The following NDUFS7 variants were observed in gnomAD, a reference collection of about 807,000 sequenced individuals.
NDUFS7 encodes NADH:ubiquinone oxidoreductase core subunit S7.
Under a neutral mutation model 31.1 loss-of-function variants are expected in NDUFS7, and 11 were observed. The observed-to-expected ratio is 0.35, with a 90% CI of 0.22 to 0.59. The LOEUF (loss-of-function observed/expected upper bound fraction) is 0.59, where lower values mean the gene tolerates loss of function less well. Among genes scored for constraint, NDUFS7 ranks in the 20% least tolerant of loss-of-function variants. NDUFS7 has a pLI of 0.79. For synonymous variants in NDUFS7, 136 were observed against 127.9 expected, an observed-to-expected ratio of 1.06 and a Z score of -0.43; for missense variants, 263 against 324.2, an observed-to-expected ratio of 0.81 and a Z score of 1.45.
At chr19:1,386,600 G>C (rs2082508863) in intron 1 of NDUFS7, 4 of 152,198 alleles carry the variant, frequency 2.6e-5, no homozygotes, top group Admixed American at 2.0e-4. Flanking sequence ...GGGTTCAAGT[G>C]ATTCTCCTGC....
At chr19:1,389,225 G>A (rs763146655) in intron 4 of NDUFS7, 1 of 671,024 alleles carries the variant, frequency 1.5e-6, no homozygotes, top group Middle Eastern at 2.8e-4. Flanking sequence ...ATACACACAT[G>A]CACACTTGCA....
chr19:1,393,363 C>G lies in NDUFS7; in HGVS notation c.544+33C>G. The G allele has an allele frequency of 1.3e-6, 2 of 1,532,904 alleles. No homozygotes were observed. The highest frequency in any genetic ancestry group is 2.4e-5 in the East Asian group (1 of 41,258). 95.0% of individuals were successfully genotyped at this position (1,532,904 alleles called of 1,614,324 possible). Reference sequence around the variant, plus strand: ...CGGGACCGCACCGCCCACGAGGGAGCTGGAGACAGGGCCAGCGCCACACGG... The same window carrying G: ...CGGGACCGCACCGCCCACGAGGGAGGTGGAGACAGGGCCAGCGCCACACGG... On this transcript the variant is annotated intron_variant, in intron 7 of 7. Coordinates refer to ENST00000233627, the MANE Select transcript of NDUFS7 (RefSeq NM_024407.5). This position sits in a 1 kb window ranked among gnomAD's most constrained non-coding sequence, Gnocchi z 7.3.
At position 1,391,023 on chromosome 19, in the gene NDUFS7, C is replaced by G. The variant is rs771468156; in HGVS notation, c.381C>G (p.Thr127=). 1 of 1,613,482 alleles carries G rather than the reference C, an allele frequency of 6.2e-7. No individual in the cohort carries two copies. Among genetic ancestry groups the G allele is most frequent in the Non-Finnish European group, 8.5e-7 (1 of 1,179,922 alleles). Residue 127 remains threonine, a synonymous_variant, in exon 5 of 8, where the codon ACC becomes ACG. Coordinates refer to ENST00000233627, the MANE Select transcript of NDUFS7 (RefSeq NM_024407.5). ...TCATGATCGTGGCCGGCACACTCACCAACAAGATGGCCCCAGCGCTTCGCA... is the reference window on the plus strand; with the variant it reads ...TCATGATCGTGGCCGGCACACTCACGAACAAGATGGCCCCAGCGCTTCGCA... ...SDVMIVAGTL[T]NKMAPALRKV... is the part of the protein sequence containing the mutation.
chr19:1,389,267 G>GCA, intron 4 of NDUFS7: 2 of 617,216 alleles, frequency 3.2e-6, no homozygotes. Flanking sequence ...ATATACACAT[G>GCA]CACACGCACA....
At chr19:1,394,438 GGGACCGCGCTCCTCCCTCCCTGC>G (rs1568997916) in intron 7 of NDUFS7, 5 of 1,276,882 alleles carry the variant, frequency 3.9e-6, no homozygotes, top group South Asian at 3.8e-5. Context: ...TCCCTCCCTG[GGGACCGCGCTCCTCCCTCCCTGC>G]GGACTGTGCT....
At position 1,388,898 on chromosome 19, in the gene NDUFS7, T is replaced by C; in HGVS notation, c.188T>C (p.Val63Ala). Residue 63 changes from valine (V) to alanine (A), a missense_variant, in exon 4 of 8, where the codon GTG becomes GCG. Transcript: ENST00000233627. ...APKPSSRGEY[V>A]VAKLDDLVNW... ...AAACCCAGCAGCCGGGGCGAGTATG[T>C]GGTGGCCAAGCTGGATGACCTCGTC... The C allele has an allele frequency of 6.2e-7, 1 of 1,610,314 alleles. No individual in the cohort carries two copies. The highest frequency in any genetic ancestry group is 1.7e-4 in the Middle Eastern group (1 of 6,056).
Position 1,391,012 on chromosome 19 carries a change from G to A in NDUFS7, c.370G>A (p.Gly124Ser), listed in dbSNP as rs756557024. ...CCAGTCCGACGTCATGATCGTGGCC[G>A]GCACACTCACCAACAAGATGGCCCC... is the stretch of plus-strand genomic sequence containing the variant. ...PRQSDVMIVA[G>S]TLTNKMAPAL... Residue 124 changes from glycine to serine, a missense_variant, in exon 5 of 8, where the codon GGC becomes AGC. By Grantham distance (56) the Gly-to-Ser change is moderately conservative (BLOSUM62 0). Coordinates refer to ENST00000233627, the MANE Select transcript of NDUFS7 (RefSeq NM_024407.5). 9 of 1,613,372 alleles carry A rather than the reference G, an allele frequency of 5.6e-6. No homozygotes were observed. The highest frequency in any genetic ancestry group is 4.4e-5 in the South Asian group (4 of 91,080).
At chr19:1,390,334 A>C in intron 4 of NDUFS7, 2 of 190,040 alleles carry the variant, frequency 1.1e-5, no homozygotes, top group Non-Finnish European at 1.1e-5. Flanking sequence ...TGACCCTGTC[A>C]CCCGCCAACA....
intron 7 of NDUFS7, 79 bp from the exon 8 acceptor site, chr19:1,395,312 A>AAGCCG (rs1372067698): frequency 2.7e-5 from 41 of 1,525,766 alleles, no homozygotes; most frequent in Non-Finnish European, 3.5e-5. Context: ...AACCCTTCCA[A>AAGCCG]AGCCGAGCCG....
rs192047301 is a variant in NDUFS7 at position 1,387,960 on chromosome 19, T to C, written c.53+113T>C. 39 of 869,302 alleles carry C rather than the reference T, an allele frequency of 4.5e-5. No homozygotes were observed. The East Asian group carries it at 4.9e-4, about 11-fold the overall frequency. 53.8% of individuals were successfully genotyped at this position (869,302 alleles called of 1,614,324 possible). A position where few individuals can be genotyped will look rare whatever the true frequency, so the allele number is the denominator to read the frequency against. On this transcript the variant is annotated intron_variant, in intron 2 of 7. Coordinates refer to ENST00000233627, the MANE Select transcript of NDUFS7 (RefSeq NM_024407.5). ...GCGCCTTGTTGAAGGTCACGTGTCA[T>C]GTTAGGGACAGGATGCAGGTGACGG...
rs863224112 is a variant in NDUFS7, at chr19:1,391,178, C to CG, written c.455+19dup. The stretch of plus-strand genomic sequence containing the variant: ...TCTCCATGGGGAGGTGAGTGCAGGG[C>CG]GGGGGGTCTCCAGGGACAGACGTAG... On this transcript the variant is annotated intron_variant, in intron 6 of 7. Transcript: ENST00000233627. 1.8e-3 allele frequency: 2,872 copies of CG among 1,610,816 alleles called. 46 individuals carry two copies. The African/African-American group carries it at 0.034, about 19-fold the overall frequency.
At chr19:1,389,519 C>A (rs777794317) in intron 4 of NDUFS7, 9 of 457,142 alleles carry the variant, frequency 2.0e-5, no homozygotes, top group South Asian at 1.2e-4. Flanking sequence ...GGAGATGACC[C>A]CTCCGTTTCC....
chr19:1,384,122 T>C, intron 1 of NDUFS7, 180 bp downstream of exon 1: 1 of 676,472 alleles, frequency 1.5e-6, no homozygotes. Context: ...TCGCCGTTAT[T>C]GCGTCCAGAG....
At chr19:1,389,777 G>A (rs192185826) in intron 4 of NDUFS7, 43 of 336,228 alleles carry the variant, frequency 1.3e-4, no homozygotes, top group African/African-American at 7.9e-4. Flanking sequence ...CCCCATTGAT[G>A]GACGTTCACT....
chr19:1,395,287 G>C, intron 7 of NDUFS7, 104 bp from the exon 8 acceptor site: 1 of 1,497,808 alleles, frequency 6.7e-7, no homozygotes, highest in African/African-American at 1.4e-5. Flanking sequence ...TCCACCTTCA[G>C]AGGCCGGCCC....
At chr19:1,384,366 C>T (rs1029995416) in intron 1 of NDUFS7, among the ~76,000 whole-genome samples, 1 of 152,192 alleles carries the variant, frequency 6.6e-6, no homozygotes, top group Non-Finnish European at 1.5e-5. Flanking sequence ...GAACAGGACC[C>T]AGGACATCCA....
intron 4 of NDUFS7, chr19:1,389,306 G>A: frequency 1.9e-6 from 1 of 528,554 alleles, no homozygotes; most frequent in Non-Finnish European, 3.6e-6. Context: ...TATATGCACA[G>A]TCATGCACAC....
Position 1,383,952 on chromosome 19 carries a change from G to A in NDUFS7, c.16+10G>A. On this transcript the variant is annotated intron_variant, in intron 1 of 7. Coordinates refer to ENST00000233627, the MANE Select transcript of NDUFS7 (RefSeq NM_024407.5). ...ATGGCGGTGCTGTCAGGTGAGCGCG[G>A]CACCGGCGGCGGGTGTGGGGCCGCG... is the stretch of plus-strand genomic sequence containing the variant. 6.4e-7 allele frequency: 1 copy of A among 1,568,940 alleles called. No homozygotes were observed. Among genetic ancestry groups the A allele is most frequent in the Non-Finnish European group, 8.6e-7 (1 of 1,158,996 alleles).
intron 1 of NDUFS7, among the ~76,000 whole-genome samples, chr19:1,385,842 A>C (rs2082504297): frequency 1.3e-5 from 2 of 152,054 alleles, no homozygotes; most frequent in Non-Finnish European, 2.9e-5. Flanking sequence ...ACAACAACAA[A>C]AACCCTGACC....
Sources: allele counts gnomAD v4.1 joint callset (sites outside exome capture counted in the v4.1 genomes callset), GRCh38; gene constraint gnomAD v4.1.1; non-coding constraint Gnocchi (gnomAD v3.1); transcripts MANE v1.5; gene names NCBI Gene and HGNC (gene_info 2026-07-23, HGNC 2026-07-21).